The following LCOR variants were observed in gnomAD, a reference collection of about 807,000 sequenced individuals.
LCOR encodes the protein ligand dependent nuclear receptor corepressor, also known as ligand-dependent corepressor.
In LCOR, 14 loss-of-function variants were observed where a neutral mutation model predicts 64.4. That is an observed-to-expected ratio of 0.22 (90% CI 0.14 to 0.34). The LOEUF (loss-of-function observed/expected upper bound fraction) is 0.34, where lower values mean the gene tolerates loss of function less well. Ranked by LOEUF, LCOR falls within the 10% of genes least tolerant of loss-of-function variation. The pLI is 1.00. For synonymous variants in LCOR, 643 were observed against 642.5 expected (o/e 1.00, Z -0.01); for missense variants, 1,686 against 1,765.3 (o/e 0.96, Z 0.80).
chr10:96,963,139 A>T (rs1308931690), intron 7 of LCOR: 3 of 152,146 alleles, frequency 2.0e-5, no homozygotes, highest in African/African-American at 4.8e-5. Flanking sequence ...GGTGCCTCAC[A>T]CTCTTATAGT....
At chr10:96,942,800 C>T (rs1171470241) in intron 4 of LCOR, among the ~76,000 whole-genome samples, 1 of 151,888 alleles carries the variant, frequency 6.6e-6, no homozygotes, top group Non-Finnish European at 1.5e-5. Flanking sequence ...TTCATTGTGC[C>T]AAGATATGTC....
chr10:96,884,816 A>G (rs1025192588), intron 2 of LCOR, among the ~76,000 whole-genome samples: 3 of 152,048 alleles, frequency 2.0e-5, no homozygotes, highest in African/African-American at 7.3e-5. Context: ...TTAAAACCCA[A>G]GTTGGTTTTA....
chr10:96,874,033 T>C (rs1846122370), intron 2 of LCOR, among the ~76,000 whole-genome samples: 1 of 152,182 alleles, frequency 6.6e-6, no homozygotes, highest in African/African-American at 2.4e-5. Flanking sequence ...AAGAATTTTC[T>C]TGAAAATGAT....
At chr10:96,917,346 A>T (rs980281732) in intron 4 of LCOR, among the ~76,000 whole-genome samples, 3 of 152,248 alleles carry the variant, frequency 2.0e-5, no homozygotes, top group Non-Finnish European at 4.4e-5. Context: ...GGAAACTATG[A>T]GTGGCAAAAG....
chr10:96,897,536 C>T (rs1406384859), intron 2 of LCOR, among the ~76,000 whole-genome samples: 2 of 152,196 alleles, frequency 1.3e-5, no homozygotes, highest in African/African-American at 4.8e-5. Context: ...CCTAGCTACT[C>T]ACTACCTCTG....
At chr10:96,955,125 T>G in intron 7 of LCOR, 2 of 1,614,170 alleles carry the variant, frequency 1.2e-6, no homozygotes, top group African/African-American at 2.7e-5. Flanking sequence ...CAGAAACCAA[T>G]TGTCCACAGC....
At chr10:96,905,174 A>G (rs1846706582) in intron 2 of LCOR, among the ~76,000 whole-genome samples, 1 of 152,082 alleles carries the variant, frequency 6.6e-6, no homozygotes, top group Non-Finnish European at 1.5e-5. Flanking sequence ...GTTCTTCTTT[A>G]AAATTTTTAT....
At chr10:96,923,532 C>T (rs1197491135) in intron 4 of LCOR, among the ~76,000 whole-genome samples, 1 of 152,138 alleles carries the variant, frequency 6.6e-6, no homozygotes, top group Non-Finnish European at 1.5e-5. Context: ...ATAAGTAACA[C>T]TATGTAAGTA....
intron 6 of LCOR, among the ~76,000 whole-genome samples, chr10:96,951,521 A>C (rs559409646): frequency 6.6e-6 from 1 of 152,260 alleles, no homozygotes; most frequent in Non-Finnish European, 1.5e-5. Context: ...ACTATTAGAC[A>C]CACCCAAATC....
chr10:96,865,114 T>C (rs1845949161), intron 2 of LCOR, among the ~76,000 whole-genome samples: 1 of 152,230 alleles, frequency 6.6e-6, no homozygotes, highest in African/African-American at 2.4e-5. Context: ...GATATCAACG[T>C]ATATTTTCAG....
At chr10:96,934,626 G>C (rs1847316675) in intron 4 of LCOR, among the ~76,000 whole-genome samples, 1 of 152,130 alleles carries the variant, frequency 6.6e-6, no homozygotes, top group Non-Finnish European at 1.5e-5. Flanking sequence ...TTTTAAGACA[G>C]AGTGTCACTC....
Position 96,949,035 on chromosome 10 carries a change from T to G in LCOR, c.-23T>G. On this transcript the variant is annotated 5_prime_UTR_variant, in exon 6 of 8. Transcript: ENST00000421806. ...AGTCCCTGGGTCTCCGACCCCAATA[T>G]TCCCCTAGTGGCCCGTGAGATCATG... 1 of 1,613,126 alleles carries G rather than the reference T, an allele frequency of 6.2e-7. No homozygotes were observed. Among genetic ancestry groups the G allele is most frequent in the Non-Finnish European group, 8.5e-7 (1 of 1,179,412 alleles).
rs561100421 is a variant in LCOR at position 96,897,514 on chromosome 10, G to T, written c.-329-9751G>T. Among the ~76,000 whole-genome samples the T allele has an allele frequency of 2.6e-5, 4 of 152,298 alleles. No individual in the cohort carries two copies. The South Asian group carries it at 8.3e-4, about 32-fold the overall frequency. ...ACAGAACTGCCCCTGGATTTCCAAA[G>T]ACTTAATCTGACCTAGCTACTCACT... On this transcript the variant is annotated intron_variant, in intron 2 of 7. Transcript: ENST00000421806.
Position 96,985,977 on chromosome 10 carries a change from A to AT in LCOR, c.*853dup, listed in dbSNP as rs796429686. On this transcript the variant is annotated 3_prime_UTR_variant, in exon 8 of 8. Transcript: ENST00000421806. ...CTACTTCGGGAGGAAAAAGCCTAGG[A>AT]TTTTTTTTTTCCATCTTGTAGCTGT... 24 of 164,508 alleles carry AT rather than the reference A, an allele frequency of 1.5e-4. No individual in the cohort carries two copies. The highest frequency in any genetic ancestry group is 2.2e-4 in the African/African-American group (9 of 40,970). 10.2% of individuals were successfully genotyped at this position (164,508 alleles called of 1,614,324 possible).
At chr10:96,893,775 AAAAG>A (rs918243839) in intron 2 of LCOR, among the ~76,000 whole-genome samples, 1 of 151,958 alleles carries the variant, frequency 6.6e-6, no homozygotes, top group African/African-American at 2.4e-5. Context: ...AAAAAAAAAA[AAAAG>A]AAATTGTCCA....
intron 4 of LCOR, among the ~76,000 whole-genome samples, chr10:96,915,448 G>A (rs562409765): frequency 2.0e-5 from 3 of 152,320 alleles, no homozygotes; most frequent in Admixed American, 1.3e-4. Flanking sequence ...TTGAACCCAG[G>A]AGGCGGAGGT....
At chr10:96,905,878 C>T (rs1422015261) in intron 2 of LCOR, among the ~76,000 whole-genome samples, 1 of 152,094 alleles carries the variant, frequency 6.6e-6, no homozygotes, top group Non-Finnish European at 1.5e-5. Flanking sequence ...GTGTAAATAA[C>T]ACAAACTAGA....
rs180979623 is a variant in LCOR, at chr10:96,869,087, G to A, written c.-330+35608G>A. Among the ~76,000 whole-genome samples the A allele has an allele frequency of 9.3e-4, 141 of 152,158 alleles. 1 individual carries two copies. Among genetic ancestry groups the A allele is most frequent in the East Asian group, 5.6e-3 (29 of 5,174 alleles). ...TGCCCAGCTAATTTTTATATTTTTA[G>A]TAGATACGGGGTTTCACCATGTTGG... On this transcript the variant is annotated intron_variant, in intron 2 of 7. Coordinates refer to ENST00000421806, the MANE Select transcript of LCOR (RefSeq NM_001346516.2).
At chr10:96,945,837 T>C (rs1847580165) in intron 5 of LCOR, among the ~76,000 whole-genome samples, 1 of 152,084 alleles carries the variant, frequency 6.6e-6, no homozygotes. Context: ...ATCATAAGAC[T>C]CCTACAGAAA....
Sources: gnomAD v4.1 joint callset for allele counts (sites outside exome capture counted in the v4.1 genomes callset) on GRCh38, gnomAD v4.1.1 for gene constraint, MANE v1.5 for transcripts, NCBI Gene and HGNC (gene_info 2026-07-23, HGNC 2026-07-21) for gene names.